CD38: variants seen among roughly 807,000 people sequenced by gnomAD.
CD38 encodes ADP-ribosyl cyclase/cyclic ADP-ribose hydrolase 1.
CD38 carries 31 observed loss-of-function variants against 36.3 expected under a neutral mutation model. That is an observed-to-expected ratio of 0.85 (90% CI 0.64 to 1.15). The LOEUF (loss-of-function observed/expected upper bound fraction) is 1.15, where lower values mean the gene tolerates loss of function less well. CD38 is among the 50% of genes most tolerant of loss of function. The pLI is 0.00. For synonymous variants in CD38, 131 were observed against 135.2 expected (o/e 0.97, Z 0.22); for missense variants, 380 against 371.9 (o/e 1.02, Z -0.18).
chr4:15,816,050 A>C (rs1355863860), intron 1 of CD38, among the ~76,000 whole-genome samples: 3 of 152,084 alleles, frequency 2.0e-5, no homozygotes, highest in Non-Finnish European at 1.5e-5. Context: ...GGTTCTGATT[A>C]TGTGATGGAT....
intron 1 of CD38, among the ~76,000 whole-genome samples, chr4:15,790,308 G>C (rs547520087): frequency 2.6e-5 from 4 of 151,896 alleles, no homozygotes; most frequent in South Asian, 2.1e-4. Context: ...TCAGCCTGCC[G>C]AGTGCCTGCG....
rs768378089 is a variant in CD38 at position 15,840,465 on chromosome 4, G to A, written c.766G>A (p.Asp256Asn). Residue 256 changes from aspartate to asparagine, a missense_variant, in exon 7 of 8, where the codon GAT (aspartate) becomes AAT (asparagine). Asp to Asn is a conservative substitution (Grantham distance 23). Transcript: ENST00000226279. ...GREDSRDLCQ[D>N]PTIKELESII... ...TTTCTTCCCCAGAGACTTATGCCAG[G>A]ATCCCACCATAAAAGAGCTGGAATC... 1.2e-6 allele frequency: 2 copies of A among 1,601,218 alleles called. No homozygotes were observed. The highest frequency in any genetic ancestry group is 4.5e-5 in the East Asian group (2 of 44,772).
At chr4:15,797,093 C>T (rs1255517953) in intron 1 of CD38, among the ~76,000 whole-genome samples, 1 of 152,150 alleles carries the variant, frequency 6.6e-6, no homozygotes, top group Non-Finnish European at 1.5e-5. Context: ...TCCTATTTCC[C>T]CATACCCATA....
chr4:15,840,155 T>C, intron 6 of CD38, 37 bp downstream of exon 6: 1 of 1,422,106 alleles, frequency 7.0e-7, no homozygotes, highest in South Asian at 1.1e-5. Context: ...TGTTATTTTA[T>C]GAATCAGTCC....
intron 7 of CD38, among the ~76,000 whole-genome samples, chr4:15,841,302 C>T (rs1724200883): frequency 6.6e-6 from 1 of 152,146 alleles, no homozygotes; most frequent in Non-Finnish European, 1.5e-5. Context: ...GAGGTAGAAG[C>T]TGAGATGCTA....
intron 1 of CD38, among the ~76,000 whole-genome samples, chr4:15,795,219 G>T (rs367917409): frequency 2.0e-5 from 3 of 147,944 alleles, no homozygotes; most frequent in Admixed American, 6.7e-5. Context: ...AATTAGTTTC[G>T]TGTGTGTGTG....
chr4:15,786,792 G>T (rs979350371), intron 1 of CD38, among the ~76,000 whole-genome samples: 1 of 152,224 alleles, frequency 6.6e-6, no homozygotes, highest in South Asian at 2.1e-4. Context: ...GGTGCTCGTC[G>T]GGGAGGCTCC....
intron 1 of CD38, among the ~76,000 whole-genome samples, chr4:15,794,341 C>A (rs1305848959): frequency 2.6e-5 from 4 of 152,128 alleles, no homozygotes. Context: ...GAACATAACC[C>A]TGGCAGATAA....
In CD38 at chr4:15,803,169, A is replaced by G. The variant is rs1238815247; in HGVS notation, c.234-13342A>G. Among the ~76,000 whole-genome samples, 9 of 152,344 alleles carry G rather than the reference A, an allele frequency of 5.9e-5. No individual in the cohort carries two copies. In the South Asian group the frequency reaches 1.9e-3, roughly 32 times the overall value. On this transcript the variant is annotated intron_variant, in intron 1 of 7. Transcript: ENST00000226279. ...CAAAACGAATCAAAGACTTAAGTGTAAGACCCCAAATTATGAAACTACTAA... is the reference window on the plus strand; with the variant it reads ...CAAAACGAATCAAAGACTTAAGTGTGAGACCCCAAATTATGAAACTACTAA...
intron 1 of CD38, among the ~76,000 whole-genome samples, chr4:15,812,525 G>A (rs368661268): frequency 2.1e-4 from 32 of 152,108 alleles, no homozygotes; most frequent in African/African-American, 6.7e-4. Flanking sequence ...GTAAAACCCC[G>A]TCTCTACTAA....
intron 1 of CD38, among the ~76,000 whole-genome samples, chr4:15,797,189 A>C (rs541978839): frequency 3.3e-5 from 5 of 152,084 alleles, no homozygotes; most frequent in Non-Finnish European, 7.4e-5. Context: ...TGCATTTACT[A>C]TGTGTTTTTG....
At chr4:15,800,443 G>T (rs1723194619) in intron 1 of CD38, among the ~76,000 whole-genome samples, 1 of 152,104 alleles carries the variant, frequency 6.6e-6, no homozygotes, top group South Asian at 2.1e-4. Context: ...TATTCTAGTT[G>T]TTCTACGTCC....
rs114401064 is a variant in CD38, at chr4:15,851,854, A to G, written c.*3252A>G. 6.6e-6 allele frequency: 1 copy of G among 152,236 alleles called. No homozygotes were observed. The highest frequency in any genetic ancestry group is 2.4e-5 in the African/African-American group (1 of 41,450). The allele number at this position is 152,236 out of a possible 1,614,324, so 9.4% of individuals were successfully genotyped here. A position where few individuals can be genotyped will look rare whatever the true frequency, so the allele number is the denominator to read the frequency against. ...CTAACCTACTACACACCCAGGCTAC[A>G]TGGTATCACCTATTCCTCCTAGGCT... On this transcript the variant is annotated 3_prime_UTR_variant, in exon 8 of 8. Coordinates refer to ENST00000226279, the MANE Select transcript of CD38 (RefSeq NM_001775.4).
intron 4 of CD38, among the ~76,000 whole-genome samples, chr4:15,834,988 G>C (rs145433432): frequency 2.6e-4 from 40 of 152,028 alleles, no homozygotes; most frequent in Admixed American, 2.5e-3. Context: ...ATGAAATCGG[G>C]GTAATTAACA....
intron 1 of CD38, among the ~76,000 whole-genome samples, chr4:15,790,480 C>A (rs531219921): frequency 2.2e-4 from 33 of 152,142 alleles, no homozygotes; most frequent in African/African-American, 7.9e-4. Flanking sequence ...ACTCGGTGCT[C>A]GGTGGTGCCC....
chr4:15,797,913 G>A (rs559964709), intron 1 of CD38, among the ~76,000 whole-genome samples: 1 of 152,196 alleles, frequency 6.6e-6, no homozygotes, highest in East Asian at 1.9e-4. Flanking sequence ...TTCCAAATAA[G>A]GTCATTTTCT....
intron 4 of CD38, among the ~76,000 whole-genome samples, chr4:15,837,495 C>G (rs549905452): frequency 6.6e-6 from 1 of 152,244 alleles, no homozygotes; most frequent in African/African-American, 2.4e-5. Flanking sequence ...CTGGAGGGAG[C>G]ATATAGAACA....
chr4:15,780,530 A>ACACACACACACACACACACACACGCG (rs1560303818), intron 1 of CD38, among the ~76,000 whole-genome samples: 7 of 36,938 alleles, frequency 1.9e-4, no homozygotes, highest in African/African-American at 1.2e-3. Context: ...ACACACACAC[A>ACACACACACACACACACACACACGCG]CACACACACA....
intron 2 of CD38, among the ~76,000 whole-genome samples, chr4:15,821,925 T>A (rs1723744996): frequency 6.6e-6 from 1 of 150,676 alleles, no homozygotes; most frequent in Non-Finnish European, 1.5e-5. Context: ...CTGAAGAACA[T>A]CGATACAAAA....
Sources: gnomAD v4.1 joint callset for allele counts (sites outside exome capture counted in the v4.1 genomes callset) on GRCh38, gnomAD v4.1.1 for gene constraint, MANE v1.5 for transcripts, NCBI Gene and HGNC (gene_info 2026-07-23, HGNC 2026-07-21) for gene names.